PTPRK: variants seen among roughly 807,000 people sequenced by gnomAD.
PTPRK encodes the protein receptor-type tyrosine-protein phosphatase kappa.
Under a neutral mutation model 178.0 loss-of-function variants are expected in PTPRK, and 75 were observed. That is an observed-to-expected ratio of 0.42 (90% confidence interval 0.35 to 0.51). PTPRK has a LOEUF of 0.51. Among genes scored for constraint, PTPRK ranks in the 20% least tolerant of loss-of-function variants. The pLI, the probability that PTPRK is intolerant of heterozygous loss-of-function variation, is 0.02. For synonymous variants in PTPRK, 637 were observed against 620.6 expected (o/e 1.03, Z -0.39); for missense variants, 1,441 against 1,797.8 (o/e 0.80, Z 3.59).
At chr6:128,024,583 C>G (rs893839871) in intron 13 of PTPRK, among the ~76,000 whole-genome samples, 1 of 151,958 alleles carries the variant, frequency 6.6e-6, no homozygotes, top group African/African-American at 2.4e-5. Context: ...CTGAGGCAGG[C>G]AGATCACTTG....
intron 6 of PTPRK, among the ~76,000 whole-genome samples, chr6:128,190,429 T>C (rs934815766): frequency 6.6e-6 from 1 of 151,796 alleles, no homozygotes; most frequent in Non-Finnish European, 1.5e-5. Flanking sequence ...TAGAATTGAG[T>C]TAAATTTGTT....
chr6:128,088,809 T>C (rs1786408125), intron 8 of PTPRK, among the ~76,000 whole-genome samples: 1 of 152,170 alleles, frequency 6.6e-6, no homozygotes, highest in Non-Finnish European at 1.5e-5. Flanking sequence ...TTTAGTTACT[T>C]GGATGGCAAC....
At chr6:128,002,896 A>C (rs1778001231) in intron 15 of PTPRK, among the ~76,000 whole-genome samples, 1 of 151,950 alleles carries the variant, frequency 6.6e-6, no homozygotes, top group East Asian at 1.9e-4. Context: ...AGATGTATGC[A>C]TTTGGCTTCA....
Position 128,513,076 on chromosome 6 carries a change from T to G in PTPRK, c.100+7183A>C, listed in dbSNP as rs563312344. On this transcript the variant is annotated intron_variant, in intron 1 of 29. Coordinates refer to ENST00000368226, the MANE Select transcript of PTPRK (RefSeq NM_002844.4). ...AAAACTAGTCTTACTTTTAGTCTCT[T>G]ATGAAAATATTTTTTTTCAAAGTCA... Among the ~76,000 whole-genome samples the G allele has an allele frequency of 1.2e-3, 184 of 152,328 alleles. 2 individuals carry two copies. In the Middle Eastern group the frequency reaches 0.017, roughly 14 times the overall value.
At chr6:128,121,174 T>C (rs1414406593) in intron 7 of PTPRK, among the ~76,000 whole-genome samples, 3 of 151,876 alleles carry the variant, frequency 2.0e-5, no homozygotes, top group South Asian at 2.1e-4. Flanking sequence ...AAAATAAAGG[T>C]AAAATAAATT....
intron 1 of PTPRK, among the ~76,000 whole-genome samples, chr6:128,485,445 A>G (rs1353413503): frequency 1.3e-5 from 2 of 152,172 alleles, no homozygotes; most frequent in African/African-American, 4.8e-5. Context: ...AAAGTCATTC[A>G]TTGAAAATGC....
At chr6:128,423,949 G>A (rs973900536) in intron 1 of PTPRK, among the ~76,000 whole-genome samples, 2 of 151,984 alleles carry the variant, frequency 1.3e-5, no homozygotes, top group African/African-American at 4.8e-5. Flanking sequence ...GGCTGGGTGT[G>A]GTGGCTTACA....
intron 13 of PTPRK, among the ~76,000 whole-genome samples, chr6:128,048,095 T>A (rs781514113): frequency 2.0e-5 from 3 of 152,174 alleles, no homozygotes; most frequent in Non-Finnish European, 2.9e-5. Flanking sequence ...AGATGTAGCC[T>A]TAGATCTCTC....
intron 2 of PTPRK, among the ~76,000 whole-genome samples, chr6:128,372,298 TA>T (rs1475448232): frequency 6.6e-6 from 1 of 152,168 alleles, no homozygotes; most frequent in Non-Finnish European, 1.5e-5. Flanking sequence ...GAAATGGTGA[TA>T]AAAATAAATT....
intron 2 of PTPRK, among the ~76,000 whole-genome samples, chr6:128,341,073 A>C (rs1424139078): frequency 6.6e-6 from 1 of 152,188 alleles, no homozygotes; most frequent in African/African-American, 2.4e-5. Flanking sequence ...ATATGATGTC[A>C]GCTAGTATCT....
At chr6:128,309,783 C>T (rs1335373900) in intron 3 of PTPRK, among the ~76,000 whole-genome samples, 3 of 105,876 alleles carry the variant, frequency 2.8e-5, no homozygotes, top group Admixed American at 2.4e-4. Context: ...TTTATTTCTC[C>T]TTCTCATGGC....
At chr6:128,098,090 G>A (rs945894440) in intron 7 of PTPRK, among the ~76,000 whole-genome samples, 2 of 152,104 alleles carry the variant, frequency 1.3e-5, no homozygotes, top group African/African-American at 4.8e-5. Context: ...TGCATGCCAA[G>A]TACAGTGGTT....
intron 7 of PTPRK, among the ~76,000 whole-genome samples, chr6:128,136,541 T>C (rs1319077752): frequency 6.6e-6 from 1 of 152,234 alleles, no homozygotes; most frequent in Non-Finnish European, 1.5e-5. Flanking sequence ...CTTTAGCTTT[T>C]TAAAAAATGC....
intron 2 of PTPRK, among the ~76,000 whole-genome samples, chr6:128,374,370 A>G (rs1455908519): frequency 1.3e-5 from 2 of 152,140 alleles, no homozygotes; most frequent in African/African-American, 2.4e-5. Context: ...GTGTATCCCC[A>G]GCATAGTCCT....
chr6:127,972,945 T>C (rs1774102790), intron 29 of PTPRK, 77 bp downstream of exon 29: 2 of 1,432,588 alleles, frequency 1.4e-6, no homozygotes, highest in Non-Finnish European at 2.0e-6. Flanking sequence ...TATGTGTGTA[T>C]GAAGTCAAAT....
intron 1 of PTPRK, among the ~76,000 whole-genome samples, chr6:128,417,623 C>T (rs987926144): frequency 6.6e-6 from 1 of 152,170 alleles, no homozygotes; most frequent in Non-Finnish European, 1.5e-5. Flanking sequence ...TCTGACTTCA[C>T]TAACATATAA....
chr6:128,123,831 T>A (rs1345444286), intron 7 of PTPRK, among the ~76,000 whole-genome samples: 4 of 152,044 alleles, frequency 2.6e-5, no homozygotes, highest in Non-Finnish European at 4.4e-5. Flanking sequence ...TCCATTGGAA[T>A]TTGTCTGAAT....
intron 8 of PTPRK, among the ~76,000 whole-genome samples, chr6:128,087,989 G>A (rs760044892): frequency 6.6e-6 from 1 of 152,164 alleles, no homozygotes; most frequent in African/African-American, 2.4e-5. Context: ...ATAGAAGGTA[G>A]GCACCAAAAG....
At chr6:128,298,276 T>G (rs565206482) in intron 3 of PTPRK, among the ~76,000 whole-genome samples, 55 of 152,224 alleles carry the variant, frequency 3.6e-4, no homozygotes, top group African/African-American at 1.2e-3. Context: ...CCAGATGGAT[T>G]CACAGCCGAA....
Sources: gnomAD v4.1 joint callset for allele counts (sites outside exome capture counted in the v4.1 genomes callset) on GRCh38, gnomAD v4.1.1 for gene constraint, MANE v1.5 for transcripts, NCBI Gene and HGNC (gene_info 2026-07-23, HGNC 2026-07-21) for gene names.